MALRD1: variants seen among roughly 807,000 people sequenced by gnomAD.
The protein encoded by MALRD1 is MAM and LDL receptor class A domain containing 1, also known as MAM and LDL-receptor class A domain-containing protein 1.
In MALRD1, 247 loss-of-function variants were observed where a neutral mutation model predicts 242.1. The ratio of observed to expected loss-of-function variants is 1.02; its 90% CI spans 0.92 to 1.13. The LOEUF (loss-of-function observed/expected upper bound fraction) is 1.13, where lower values mean the gene tolerates loss of function less well. Among genes scored for constraint, MALRD1 ranks in the 50% most tolerant of loss-of-function variants. The pLI, the probability that MALRD1 is intolerant of heterozygous loss-of-function variation, is 0.00. For synonymous variants in MALRD1, 995 were observed against 866.6 expected (o/e 1.15, Z -2.60); for missense variants, 2,989 against 2,533.1 (o/e 1.18, Z -3.86).
intron 14 of MALRD1, among the ~76,000 whole-genome samples, chr10:19,177,472 G>C (rs866991257): frequency 6.6e-6 from 1 of 151,928 alleles, no homozygotes; most frequent in African/African-American, 2.4e-5. Context: ...GGGCAGAAAG[G>C]TGTGACAAAA....
intron 26 of MALRD1, among the ~76,000 whole-genome samples, chr10:19,384,063 G>A (rs964892642): frequency 9.9e-5 from 15 of 151,526 alleles, no homozygotes; most frequent in African/African-American, 3.6e-4. Context: ...TTCCAGGTAA[G>A]AGAGAGCATG....
At chr10:19,130,072 G>A (rs1216987844) in intron 8 of MALRD1, among the ~76,000 whole-genome samples, 1 of 151,792 alleles carries the variant, frequency 6.6e-6, no homozygotes, top group Non-Finnish European at 1.5e-5. Context: ...AACTTGTTAT[G>A]TTTTTGTGTT....
chr10:19,499,532 G>A (rs539355475), intron 31 of MALRD1, among the ~76,000 whole-genome samples: 2 of 151,888 alleles, frequency 1.3e-5, no homozygotes, highest in South Asian at 4.2e-4. Context: ...GGGCTTTTAT[G>A]GTTCTCCAGC....
At chr10:19,572,975 T>C (rs1028642431) in intron 33 of MALRD1, among the ~76,000 whole-genome samples, 3 of 152,202 alleles carry the variant, frequency 2.0e-5, no homozygotes, top group African/African-American at 7.2e-5. Context: ...TTTTCAGCCA[T>C]CCAGCTTGGG....
intron 36 of MALRD1, among the ~76,000 whole-genome samples, chr10:19,684,311 G>A (rs1325103883): frequency 6.6e-6 from 1 of 152,122 alleles, no homozygotes; most frequent in Non-Finnish European, 1.5e-5. Context: ...TTAAAAAATC[G>A]AGAAAGCATT....
At chr10:19,473,589 A>G (rs958502326) in intron 29 of MALRD1, among the ~76,000 whole-genome samples, 5 of 152,052 alleles carry the variant, frequency 3.3e-5, no homozygotes, top group African/African-American at 9.7e-5. Context: ...CCCATTTGTG[A>G]CTGGTTTATT....
Position 19,250,811 on chromosome 10 carries a change from G to A in MALRD1, c.2992-6873G>A, listed in dbSNP as rs10763900. Among the ~76,000 whole-genome samples, 6 of 151,642 alleles carry A rather than the reference G, an allele frequency of 4.0e-5. No individual in the cohort carries two copies. In the East Asian group the frequency reaches 7.8e-4, roughly 20 times the overall value. ...TAAAGATCAGCTCCCCACATCCTCC[G>A]TCTCTCTGCCTCTCTCTCTCTCTCA... On this transcript the variant is annotated intron_variant, in intron 18 of 39. Coordinates refer to ENST00000454679, the MANE Select transcript of MALRD1 (RefSeq NM_001142308.3).
chr10:19,589,162 A>G (rs140000597), intron 33 of MALRD1, among the ~76,000 whole-genome samples: 38 of 152,330 alleles, frequency 2.5e-4, no homozygotes, highest in African/African-American at 8.7e-4. Context: ...ATAGGTTCTA[A>G]GGGATATTGG....
Position 19,292,074 on chromosome 10 carries a change from C to A in MALRD1, c.3419+8893C>A, listed in dbSNP as rs530857618. On this transcript the variant is annotated intron_variant, in intron 21 of 39. Coordinates refer to ENST00000454679, the MANE Select transcript of MALRD1 (RefSeq NM_001142308.3). The stretch of plus-strand genomic sequence containing the variant: ...CTCCAGCCTGGATGACAGAGCAAGA[C>A]CGTCTCAAAAAAAAAAAAAAAAAAA... 5.6e-3 allele frequency among the ~76,000 whole-genome samples: 596 copies of A among 105,634 alleles called. 5 individuals are homozygous for A. The highest frequency in any genetic ancestry group is 8.4e-3 in the Non-Finnish European group (455 of 54,256). 69.3% of individuals were successfully genotyped at this position (105,634 alleles called of 152,430 possible).
In MALRD1 at chr10:19,719,169, TAC is replaced by T. The variant is rs1202094702; in HGVS notation, c.6315-11535_6315-11534del. 1.9e-3 allele frequency among the ~76,000 whole-genome samples: 158 copies of T among 81,552 alleles called. 1 individual carries two copies. Among genetic ancestry groups the T allele is most frequent in the African/African-American group, 5.2e-3 (73 of 13,916 alleles). The allele number at this position is 81,552 out of a possible 152,430, so 53.5% of individuals were successfully genotyped here. A position where few individuals can be genotyped will look rare whatever the true frequency, so the allele number is the denominator to read the frequency against. On this transcript the variant is annotated intron_variant, in intron 38 of 39. Transcript: ENST00000454679. ...ACTGTCCAAATTATATATATATATA[TAC>T]ATACATATATATATATATACATACA...
intron 26 of MALRD1, among the ~76,000 whole-genome samples, chr10:19,357,109 G>GAAA (rs11402108): frequency 1.4e-5 from 2 of 146,416 alleles, no homozygotes; most frequent in South Asian, 2.2e-4. Context: ...GACTCTGTCT[G>GAAA]AAAAAAAAAA....
At chr10:19,698,405 G>T (rs1235867455) in intron 38 of MALRD1, among the ~76,000 whole-genome samples, 1 of 152,166 alleles carries the variant, frequency 6.6e-6, no homozygotes, top group Admixed American at 6.5e-5. Flanking sequence ...ATTGGGGTCA[G>T]GCACAAATCC....
intron 28 of MALRD1, among the ~76,000 whole-genome samples, chr10:19,435,668 G>T (rs933255264): frequency 2.0e-5 from 3 of 152,066 alleles, no homozygotes; most frequent in Non-Finnish European, 2.9e-5. Context: ...CAAAATGCAA[G>T]GTCATGGTTG....
At chr10:19,244,571 A>G (rs1336813316) in intron 18 of MALRD1, among the ~76,000 whole-genome samples, 1 of 151,300 alleles carries the variant, frequency 6.6e-6, no homozygotes, top group Non-Finnish European at 1.5e-5. Flanking sequence ...TTTCAAAAAA[A>G]CAAAAAAAAT....
chr10:19,489,248 G>A (rs1837375225), intron 29 of MALRD1: 2 of 478,404 alleles, frequency 4.2e-6, no homozygotes, highest in Admixed American at 2.3e-5. Flanking sequence ...AGACAAAAAA[G>A]CACAAACAAA....
chr10:19,185,508 A>AT (rs1835698624), intron 14 of MALRD1, among the ~76,000 whole-genome samples: 1 of 152,078 alleles, frequency 6.6e-6, no homozygotes, highest in Non-Finnish European at 1.5e-5. Flanking sequence ...GGAGTGATTT[A>AT]TTATTTATTT....
chr10:19,312,427 T>TGA (rs1333466573), intron 21 of MALRD1, among the ~76,000 whole-genome samples: 187 of 147,126 alleles, frequency 1.3e-3, no homozygotes, highest in African/African-American at 4.4e-3. Context: ...TGTGTGTGTG[T>TGA]GAGAGAGAGA....
chr10:19,598,785 G>A (rs917847201), intron 34 of MALRD1, among the ~76,000 whole-genome samples: 1 of 152,052 alleles, frequency 6.6e-6, no homozygotes, highest in Non-Finnish European at 1.5e-5. Flanking sequence ...TAAAGTGGCA[G>A]GCAGAACCTG....
chr10:19,545,129 C>T (rs1835154260), intron 32 of MALRD1, among the ~76,000 whole-genome samples: 1 of 152,178 alleles, frequency 6.6e-6, no homozygotes, highest in Admixed American at 6.5e-5. Context: ...ACTGTCCTCA[C>T]AAGGTCTTCC....
Sources: gnomAD v4.1 joint callset for allele counts (sites outside exome capture counted in the v4.1 genomes callset) on GRCh38, gnomAD v4.1.1 for gene constraint, MANE v1.5 for transcripts, NCBI Gene and HGNC (gene_info 2026-07-23, HGNC 2026-07-21) for gene names.